LRP1B: variants seen among roughly 807,000 people sequenced by gnomAD.
The protein encoded by LRP1B is LDL receptor related protein 1B.
In LRP1B, 217 loss-of-function variants were observed where a neutral mutation model predicts 556.6. The ratio of observed to expected loss-of-function variants is 0.39; its 90% CI spans 0.35 to 0.44. The LOEUF is 0.44. Among genes scored for constraint, LRP1B ranks in the 20% least tolerant of loss-of-function variants. LRP1B has a pLI of 1.00. For missense variants in LRP1B, 5,053 were observed against 5,620.8 expected (o/e 0.90, Z 3.23); for synonymous variants, 2,047 against 1,865.8 (o/e 1.10, Z -2.50).
At chr2:141,913,425 C>T (rs1257334740) in intron 1 of LRP1B, among the ~76,000 whole-genome samples, 2 of 152,168 alleles carry the variant, frequency 1.3e-5, no homozygotes, top group African/African-American at 4.8e-5. Flanking sequence ...ATCCTTCCCA[C>T]TCTCCATTAC....
chr2:141,060,143 T>A (rs761828424), intron 8 of LRP1B, among the ~76,000 whole-genome samples: 1 of 151,834 alleles, frequency 6.6e-6, no homozygotes, highest in East Asian at 1.9e-4. Context: ...ACAAAAACAT[T>A]TGATTTATCT....
chr2:141,232,755 G>A (rs938745248), intron 5 of LRP1B, among the ~76,000 whole-genome samples: 4 of 152,116 alleles, frequency 2.6e-5, no homozygotes, highest in African/African-American at 9.7e-5. Flanking sequence ...CATACTGGAG[G>A]AAGGATACCT....
intron 17 of LRP1B, among the ~76,000 whole-genome samples, chr2:140,983,039 G>A (rs1355233944): frequency 6.6e-6 from 1 of 152,082 alleles, no homozygotes; most frequent in Non-Finnish European, 1.5e-5. Flanking sequence ...TTATGTTCAA[G>A]AGGAAATTTG....
chr2:141,895,058 A>AG (rs889183234), intron 1 of LRP1B, among the ~76,000 whole-genome samples: 3 of 150,404 alleles, frequency 2.0e-5, no homozygotes, highest in Non-Finnish European at 4.4e-5. Context: ...CAAAAAAAAA[A>AG]AAAAAAAAGA....
At chr2:141,450,537 C>A in intron 3 of LRP1B, among the ~76,000 whole-genome samples, 1 of 151,168 alleles carries the variant, frequency 6.6e-6, no homozygotes, top group African/African-American at 2.4e-5. Context: ...ACTGATGAGA[C>A]AGAATCCTAT....
At chr2:141,219,691 G>T (rs954808592) in intron 6 of LRP1B, among the ~76,000 whole-genome samples, 3 of 152,096 alleles carry the variant, frequency 2.0e-5, no homozygotes, top group African/African-American at 7.2e-5. Context: ...GCTGGTATTA[G>T]CTTGGTGCCC....
intron 10 of LRP1B, among the ~76,000 whole-genome samples, chr2:141,054,316 T>A (rs1699119880): frequency 6.6e-6 from 1 of 151,878 alleles, no homozygotes; most frequent in Non-Finnish European, 1.5e-5. Flanking sequence ...AAAGCAGTCA[T>A]CATAAAATTA....
chr2:141,636,358 C>T (rs756122662), intron 2 of LRP1B, among the ~76,000 whole-genome samples: 4 of 151,788 alleles, frequency 2.6e-5, no homozygotes, highest in African/African-American at 4.8e-5. Flanking sequence ...ATTAGATGTC[C>T]AAAAACAAAT....
At chr2:140,656,671 A>G (rs955470807) in intron 41 of LRP1B, among the ~76,000 whole-genome samples, 1 of 152,150 alleles carries the variant, frequency 6.6e-6, no homozygotes, top group African/African-American at 2.4e-5. Flanking sequence ...GTGCAAGTGT[A>G]TGTCTGTGTA....
chr2:141,181,037 GTCTC>G (rs1297022317), intron 7 of LRP1B, among the ~76,000 whole-genome samples: 6 of 152,072 alleles, frequency 3.9e-5, no homozygotes, highest in East Asian at 3.9e-4. Flanking sequence ...TCATGCTCAT[GTCTC>G]TCTGTTTTTC....
chr2:141,048,979 CACTT>C lies in LRP1B; in HGVS notation c.1789+3_1789+6del. On this transcript the variant is annotated splice_donor_5th_base_variant and intron_variant, in intron 11 of 90. Transcript: ENST00000389484. The stretch of plus-strand genomic sequence containing the variant: ...TAGTTTGATGTTAATGTCACAGTGT[CACTT>C]ACCATCTTTCAGGATGGTTTCTCTC... 6.3e-7 allele frequency: 1 copy of C among 1,593,068 alleles called. No individual in the cohort carries two copies. The highest frequency in any genetic ancestry group is 8.6e-7 in the Non-Finnish European group (1 of 1,161,170).
At chr2:141,625,970 G>A (rs1688689626) in intron 2 of LRP1B, among the ~76,000 whole-genome samples, 1 of 152,136 alleles carries the variant, frequency 6.6e-6, no homozygotes, top group Non-Finnish European at 1.5e-5. Context: ...TATATTTTAT[G>A]TGGAATAATT....
In LRP1B at chr2:140,884,012, G is replaced by A. The variant is rs1483817831; in HGVS notation, c.3974C>T (p.Ala1325Val). 1.2e-6 allele frequency: 2 copies of A among 1,612,338 alleles called. No individual in the cohort carries two copies. Among genetic ancestry groups the A allele is most frequent in the Non-Finnish European group, 1.7e-6 (2 of 1,179,720 alleles). Reference sequence around the variant, plus strand: ...GCCATGCTCCACAACCACTTCAATGGCACTGACACCTACAAAAGAAGGAAA... The same window carrying A: ...GCCATGCTCCACAACCACTTCAATGACACTGACACCTACAAAAGAAGGAAA... ...GKLSESGGVS[A>V]IEVVVEHGLA... The change falls in exon 25 of 91, where the codon GCC (alanine) becomes GTC (valine). Residue 1325 changes from alanine to valine, a missense_variant. This residue lies in a region of LRP1B where 3,619 missense variants were observed against 3,931.9 expected (regional missense o/e 0.92). Coordinates refer to ENST00000389484, the MANE Select transcript of LRP1B (RefSeq NM_018557.3).
chr2:140,323,038 G>A (rs910050458), intron 81 of LRP1B, among the ~76,000 whole-genome samples: 2 of 151,864 alleles, frequency 1.3e-5, no homozygotes, highest in African/African-American at 4.8e-5. Context: ...ACTCTATTTG[G>A]TTTTATCTGT....
chr2:141,841,481 T>C lies in LRP1B; in HGVS notation c.83-31080A>G, dbSNP rs376091591. Among the ~76,000 whole-genome samples the C allele has an allele frequency of 1.7e-4, 26 of 152,328 alleles. No individual in the cohort carries two copies. In the East Asian group the frequency reaches 1.9e-3, roughly 11 times the overall value. On this transcript the variant is annotated intron_variant, in intron 1 of 90. Coordinates refer to ENST00000389484, the MANE Select transcript of LRP1B (RefSeq NM_018557.3). ...TTACATATTAGAAGAGCTTGTTGCCTGAGTTTACTGGATCTGAATAAATGT... is the reference window on the plus strand; with the variant it reads ...TTACATATTAGAAGAGCTTGTTGCCCGAGTTTACTGGATCTGAATAAATGT...
At chr2:141,216,610 A>C (rs1682826134) in intron 6 of LRP1B, among the ~76,000 whole-genome samples, 1 of 152,206 alleles carries the variant, frequency 6.6e-6, no homozygotes, top group South Asian at 2.1e-4. Flanking sequence ...AATCTCTGAG[A>C]GTAGCCACAG....
intron 43 of LRP1B, among the ~76,000 whole-genome samples, chr2:140,564,422 T>C (rs1681051409): frequency 6.6e-6 from 1 of 152,140 alleles, no homozygotes; most frequent in South Asian, 2.1e-4. Context: ...AAATATATCA[T>C]ATAAGTGTTA....
intron 1 of LRP1B, among the ~76,000 whole-genome samples, chr2:141,907,155 T>G (rs2104944911): frequency 6.6e-6 from 1 of 152,156 alleles, no homozygotes; most frequent in African/African-American, 2.4e-5. Flanking sequence ...TCTGCTCTAC[T>G]TATAGCATTG....
chr2:142,056,472 G>C (rs1429689214), intron 1 of LRP1B, among the ~76,000 whole-genome samples: 1 of 152,034 alleles, frequency 6.6e-6, no homozygotes, highest in Non-Finnish European at 1.5e-5. Flanking sequence ...AGCATGGATG[G>C]CATAATAGGA....
Sources: allele counts gnomAD v4.1 joint callset (sites outside exome capture counted in the v4.1 genomes callset), GRCh38; gene constraint gnomAD v4.1.1; regional missense constraint gnomAD v4.1.1; transcripts MANE v1.5; gene names NCBI Gene and HGNC (gene_info 2026-07-23, HGNC 2026-07-21).